JPH3: variants seen among roughly 807,000 people sequenced by gnomAD.
The protein encoded by JPH3 is junctophilin 3.
JPH3 carries 11 observed loss-of-function variants against 59.6 expected under a neutral mutation model. The observed-to-expected ratio is 0.18, with a 90% CI of 0.12 to 0.31. The LOEUF (loss-of-function observed/expected upper bound fraction) is 0.31. Among genes scored for constraint, JPH3 ranks in the 10% least tolerant of loss-of-function variants. JPH3 has a pLI of 1.00. For synonymous variants in JPH3, 673 were observed against 483.6 expected (o/e 1.39, Z -5.14); for missense variants, 1,202 against 1,105.7 (o/e 1.09, Z -1.24).
intron 1 of JPH3, among the ~76,000 whole-genome samples, chr16:87,636,430 A>T (rs1278528162): frequency 2.0e-5 from 3 of 152,190 alleles, no homozygotes; most frequent in African/African-American, 7.2e-5. Context: ...TGCGCTCAAT[A>T]GCTCCGTCAC....
chr16:87,665,247 C>T (rs1023710695), intron 2 of JPH3, among the ~76,000 whole-genome samples: 1 of 152,222 alleles, frequency 6.6e-6, no homozygotes, highest in African/African-American at 2.4e-5. Context: ...GATTGGCTGC[C>T]CGGGACCTGC....
chr16:87,667,707 C>G (rs527537289), intron 2 of JPH3, among the ~76,000 whole-genome samples: 1 of 152,326 alleles, frequency 6.6e-6, no homozygotes, highest in East Asian at 1.9e-4. Flanking sequence ...GGAGCTTCCC[C>G]TGGTGTAGGA....
chr16:87,680,461 C>T (rs187433399), intron 2 of JPH3, among the ~76,000 whole-genome samples: 1 of 152,360 alleles, frequency 6.6e-6, no homozygotes, highest in Admixed American at 6.5e-5. Flanking sequence ...TTGCCTCTGA[C>T]TCAGAGCGGC....
chr16:87,673,006 C>T (rs1416971623), intron 2 of JPH3, among the ~76,000 whole-genome samples: 2 of 152,024 alleles, frequency 1.3e-5, no homozygotes, highest in Non-Finnish European at 2.9e-5. Flanking sequence ...ATTACCTTTG[C>T]GTGGTAGCAC....
chr16:87,644,619 G>C lies in JPH3; in HGVS notation c.744G>C (p.Ala248=), dbSNP rs765608904. ...AGCAGAGCTCCTTTCGCAGCGAGGC[G>C]GGCATGAGCACCGTCAGCTCCACGG... is the stretch of plus-strand genomic sequence containing the variant. ...RSKQSSFRSE[A]GMSTVSSTAS... is the part of the protein sequence containing the mutation. Residue 248 remains alanine (A), a synonymous_variant, in exon 2 of 5, where the codon GCG becomes GCC. Coordinates refer to ENST00000284262, the MANE Select transcript of JPH3 (RefSeq NM_020655.4). 2 of 1,612,514 alleles carry C rather than the reference G, an allele frequency of 1.2e-6. No homozygotes were observed. Among genetic ancestry groups the C allele is most frequent in the Admixed American group, 1.7e-5 (1 of 60,024 alleles).
chr16:87,686,877 C>T (rs1162541649), intron 3 of JPH3, among the ~76,000 whole-genome samples: 1 of 152,194 alleles, frequency 6.6e-6, no homozygotes, highest in Non-Finnish European at 1.5e-5. Context: ...GCTGCTGCCT[C>T]ACTGGTGGGA....
At chr16:87,679,281 C>T (rs72810181) in intron 2 of JPH3, among the ~76,000 whole-genome samples, 11,173 of 132,832 alleles carry the variant, frequency 0.084, 587 homozygotes, top group Non-Finnish European at 0.12. Flanking sequence ...AAAAATGGGG[C>T]TGAGGGAAGA....
intron 1 of JPH3, among the ~76,000 whole-genome samples, chr16:87,618,202 G>A (rs909630553): frequency 1.3e-5 from 2 of 152,072 alleles, no homozygotes; most frequent in Non-Finnish European, 2.9e-5. Flanking sequence ...TTGGAAATAA[G>A]GCAAAAAATA....
intron 1 of JPH3, among the ~76,000 whole-genome samples, chr16:87,627,472 C>T (rs1047512844): frequency 1.3e-4 from 20 of 152,188 alleles, no homozygotes; most frequent in African/African-American, 4.8e-4. Context: ...GCCTCGTGCC[C>T]AGTGTTGTCT....
intron 1 of JPH3, among the ~76,000 whole-genome samples, chr16:87,629,899 T>TG: frequency 6.6e-6 from 1 of 151,976 alleles, no homozygotes; most frequent in East Asian, 1.9e-4. Context: ...TCAGGGGAAG[T>TG]GGGGGGCGAG....
At chr16:87,659,877 C>G (rs563156903) in intron 2 of JPH3, among the ~76,000 whole-genome samples, 3 of 152,196 alleles carry the variant, frequency 2.0e-5, no homozygotes. Flanking sequence ...CACTAACTCC[C>G]CCTCCCAGGT....
intron 2 of JPH3, among the ~76,000 whole-genome samples, chr16:87,647,734 A>G (rs2032199851): frequency 2.0e-5 from 3 of 152,166 alleles, no homozygotes. Flanking sequence ...ACCGCTGTGC[A>G]CAGCCAGCAC....
chr16:87,606,762 C>T (rs2030536168), intron 1 of JPH3, among the ~76,000 whole-genome samples: 1 of 152,172 alleles, frequency 6.6e-6, no homozygotes, highest in Non-Finnish European at 1.5e-5. Flanking sequence ...CAATGCATGT[C>T]ACTTACAATG....
chr16:87,660,450 C>G (rs1436042902), intron 2 of JPH3, among the ~76,000 whole-genome samples: 1 of 152,144 alleles, frequency 6.6e-6, no homozygotes, highest in Non-Finnish European at 1.5e-5. Context: ...CCCAAGTGGC[C>G]AAGCTAATTC....
At chr16:87,605,103 C>A (rs1004360105) in intron 1 of JPH3, 1 of 343,332 alleles carries the variant, frequency 2.9e-6, no homozygotes, top group African/African-American at 2.1e-5. Context: ...GCTGCTATCA[C>A]CCCCAGGCTC....
Position 87,676,048 on chromosome 16 carries a change from A to G in JPH3, c.1161-8094A>G, listed in dbSNP as rs80077710. ...TATGGGGTTTCTGTCGCAGGCGACG[A>G]AAGTGCTGTAAAGTTAGATCACGAT... On this transcript the variant is annotated intron_variant, in intron 2 of 4. Coordinates refer to ENST00000284262, the MANE Select transcript of JPH3 (RefSeq NM_020655.4). 1.1e-4 allele frequency among the ~76,000 whole-genome samples: 17 copies of G among 152,400 alleles called. No homozygotes were observed. The East Asian group carries it at 2.5e-3, about 22-fold the overall frequency.
intron 1 of JPH3, chr16:87,605,111 C>G (rs1384234638): frequency 2.9e-6 from 1 of 339,006 alleles, no homozygotes; most frequent in Non-Finnish European, 6.1e-6. Flanking sequence ...CACCCCCAGG[C>G]TCTGGCCAGG....
chr16:87,658,341 CCT>C (rs894195900), intron 2 of JPH3, among the ~76,000 whole-genome samples: 6 of 151,756 alleles, frequency 4.0e-5, no homozygotes, highest in Non-Finnish European at 8.8e-5. Context: ...TCTCTGTTTC[CCT>C]CTCTCTCTCC....
intron 1 of JPH3, chr16:87,604,378 C>G (rs1353590877): frequency 2.8e-6 from 4 of 1,435,484 alleles, no homozygotes; most frequent in Non-Finnish European, 3.7e-6. Flanking sequence ...CAGCTGCCCG[C>G]CTGCCTGGAC....
Sources: allele counts gnomAD v4.1 joint callset (sites outside exome capture counted in the v4.1 genomes callset), GRCh38; gene constraint gnomAD v4.1.1; transcripts MANE v1.5; gene names NCBI Gene and HGNC (gene_info 2026-07-23, HGNC 2026-07-21).